Variants in HTR2C observed in about 807,000 individuals in gnomAD.
HTR2C encodes the protein 5-hydroxytryptamine receptor 2C.
Under a neutral mutation model 21.0 loss-of-function variants are expected in HTR2C, and 5 were observed. The ratio of observed to expected loss-of-function variants is 0.24; its 90% CI spans 0.12 to 0.50. The LOEUF is 0.50. Among genes scored for constraint, HTR2C ranks in the 20% least tolerant of loss-of-function variants. HTR2C has a pLI of 0.98. For missense variants in HTR2C, 271 were observed against 371.2 expected (o/e 0.73, Z 2.22); for synonymous variants, 150 against 145.3 (o/e 1.03, Z -0.23).
intron 4 of HTR2C, among the ~76,000 whole-genome samples, chrX:114,822,967 T>C (rs1292715969): frequency 8.9e-6 from 1 of 111,837 alleles, no homozygotes; most frequent in Admixed American, 9.5e-5. Context: ...GATCTCATGA[T>C]GCTTCTAGGC....
chrX:114,892,999 G>A (rs1035847589), intron 5 of HTR2C, among the ~76,000 whole-genome samples: 8 of 108,221 alleles, frequency 7.4e-5, no homozygotes, highest in Admixed American at 3.0e-4. Context: ...TGCAACTTCC[G>A]ACTCCCGGGT....
intron 2 of HTR2C, among the ~76,000 whole-genome samples, chrX:114,633,765 T>TTC (rs782141679): frequency 9.1e-6 from 1 of 109,724 alleles, no homozygotes; most frequent in African/African-American, 3.3e-5. Flanking sequence ...AAAGGCATCA[T>TTC]TCTCTCTCTC....
chrX:114,897,430 G>T (rs1294599079), intron 5 of HTR2C, among the ~76,000 whole-genome samples: 2 of 110,338 alleles, frequency 1.8e-5, no homozygotes, highest in Non-Finnish European at 3.8e-5. Flanking sequence ...TAAGTTCAGG[G>T]ATACACGTGC....
intron 5 of HTR2C, among the ~76,000 whole-genome samples, chrX:114,868,710 T>C (rs1339998504): frequency 8.9e-6 from 1 of 112,007 alleles, no homozygotes; most frequent in Non-Finnish European, 1.9e-5. Context: ...TTAAAATGTA[T>C]GTATATTTTG....
intron 4 of HTR2C, among the ~76,000 whole-genome samples, chrX:114,784,343 A>G (rs1556441424): frequency 1.8e-5 from 2 of 111,945 alleles, no homozygotes; most frequent in Non-Finnish European, 3.8e-5. Flanking sequence ...AAATATCTAG[A>G]CAAACATAAC....
At chrX:114,770,677 C>A (rs1222131993) in intron 4 of HTR2C, among the ~76,000 whole-genome samples, 1 of 110,508 alleles carries the variant, frequency 9.0e-6, no homozygotes, top group Non-Finnish European at 1.9e-5. Flanking sequence ...ATTTATATAG[C>A]TGATTTAAAC....
At chrX:114,783,588 A>C (rs1430394696) in intron 4 of HTR2C, among the ~76,000 whole-genome samples, 2 of 112,226 alleles carry the variant, frequency 1.8e-5, no homozygotes, top group African/African-American at 6.5e-5. Context: ...CATGACTGAC[A>C]AAAGTGAAAT....
At chrX:114,736,108 A>G (rs2069588279) in intron 4 of HTR2C, among the ~76,000 whole-genome samples, 1 of 108,757 alleles carries the variant, frequency 9.2e-6, no homozygotes, top group Non-Finnish European at 1.9e-5. Context: ...GCGAGACTCT[A>G]TTTCAAAAAA....
intron 5 of HTR2C, among the ~76,000 whole-genome samples, chrX:114,869,951 T>C (rs1239968988): frequency 8.9e-6 from 1 of 112,348 alleles, no homozygotes; most frequent in Non-Finnish European, 1.9e-5. Context: ...TCTGTTGATG[T>C]GATGTATCAC....
intron 2 of HTR2C, among the ~76,000 whole-genome samples, chrX:114,714,799 G>C (rs1481744788): frequency 9.0e-6 from 1 of 111,358 alleles, no homozygotes; most frequent in Non-Finnish European, 1.9e-5. Context: ...AAACAGTGAG[G>C]CTCAAAAAGT....
intron 2 of HTR2C, among the ~76,000 whole-genome samples, chrX:114,624,182 T>C (rs1556402420): frequency 9.0e-6 from 1 of 110,552 alleles, no homozygotes; most frequent in Non-Finnish European, 1.9e-5. Context: ...GGGCGTGACC[T>C]ACCCCACCCA....
chrX:114,634,246 A>G (rs1418525013), intron 2 of HTR2C, among the ~76,000 whole-genome samples: 52 of 110,083 alleles, frequency 4.7e-4, no homozygotes, highest in Non-Finnish European at 1.1e-4. Context: ...TTCATATTTT[A>G]CCATCAGGAA....
chrX:114,688,534 A>G (rs1289295590), intron 2 of HTR2C, among the ~76,000 whole-genome samples: 1 of 111,506 alleles, frequency 9.0e-6, no homozygotes, highest in Non-Finnish European at 1.9e-5. Flanking sequence ...GGTTCAGCTG[A>G]ATTATACATG....
intron 2 of HTR2C, among the ~76,000 whole-genome samples, chrX:114,716,378 A>G (rs1228385553): frequency 8.9e-6 from 1 of 112,508 alleles, no homozygotes; most frequent in African/African-American, 3.2e-5. Flanking sequence ...GAATTCGCAC[A>G]TAATTTAACA....
intron 4 of HTR2C, among the ~76,000 whole-genome samples, chrX:114,840,940 T>TA (rs1292841020): frequency 9.0e-6 from 1 of 111,454 alleles, no homozygotes; most frequent in African/African-American, 3.3e-5. Flanking sequence ...ACAATAATGT[T>TA]CACATTAAAA....
At chrX:114,899,905 C>G (rs2071325107) in intron 5 of HTR2C, among the ~76,000 whole-genome samples, 1 of 111,566 alleles carries the variant, frequency 9.0e-6, no homozygotes, top group South Asian at 3.8e-4. Flanking sequence ...CTTAATTTTA[C>G]CTTCATTTAT....
chrX:114,803,973 G>A (rs1243067417), intron 4 of HTR2C, among the ~76,000 whole-genome samples: 3 of 111,794 alleles, frequency 2.7e-5, no homozygotes, highest in African/African-American at 9.7e-5. Flanking sequence ...AAATTGTGCT[G>A]AGCTGTGTGT....
chrX:114,656,276 C>T (rs2147838261), intron 2 of HTR2C, among the ~76,000 whole-genome samples: 1 of 111,312 alleles, frequency 9.0e-6, no homozygotes, highest in South Asian at 3.7e-4. Flanking sequence ...CTTCCAACTT[C>T]TTTTTGTGCT....
intron 5 of HTR2C, among the ~76,000 whole-genome samples, chrX:114,866,936 G>T (rs782428104): frequency 2.9e-4 from 20 of 68,884 alleles, no homozygotes; most frequent in Admixed American, 2.3e-3. Flanking sequence ...CCAAATCTTA[G>T]ATATTGAAAA....
Sources: gnomAD v4.1 joint callset for allele counts (sites outside exome capture counted in the v4.1 genomes callset) on GRCh38, gnomAD v4.1.1 for gene constraint, MANE v1.5 for transcripts, NCBI Gene and HGNC (gene_info 2026-07-23, HGNC 2026-07-21) for gene names.